MTOR: variants seen among roughly 807,000 people sequenced by gnomAD.
MTOR encodes mechanistic target of rapamycin kinase.
Under a neutral mutation model 319.8 loss-of-function variants are expected in MTOR, and 70 were observed. That is an observed-to-expected ratio of 0.22 (90% CI 0.18 to 0.27). MTOR has a LOEUF of 0.27. MTOR is among the 10% of genes least tolerant of loss of function. The probability of loss-of-function intolerance (pLI) is 1.00; values close to 1 mark genes in which losing one functional copy is unlikely to be tolerated. For missense variants in MTOR, 1,890 were observed against 3,274.4 expected (o/e 0.58, Z 10.32); for synonymous variants, 1,183 against 1,211.4 (o/e 0.98, Z 0.49).
intron 28 of MTOR, among the ~76,000 whole-genome samples, chr1:11,178,371 G>A (rs1411422789): frequency 2.0e-5 from 3 of 152,268 alleles, no homozygotes; most frequent in East Asian, 1.9e-4. Context: ...CAAAGCACAC[G>A]ACTTTTGCTG....
rs369201808 is a variant in MTOR, at chr1:11,128,009, T to C, written c.6028A>G (p.Met2010Val). 1.9e-6 allele frequency: 3 copies of C among 1,613,816 alleles called. No homozygotes were observed. In the African/African-American group the frequency reaches 4.0e-5, roughly 22 times the overall value. Residue 2010 changes from methionine (M) to valine (V), a missense_variant, in exon 43 of 58, where the codon ATG (methionine) becomes GTG (valine). Physicochemically the swap from Met to Val is conservative, Grantham distance 21. Around this residue, in one of 15 missense-constraint regions of MTOR, gnomAD observed 249 missense variants for 596.2 expected, o/e 0.42. Transcript: ENST00000361445. The surrounding 1 kb of genome is among the most constrained non-coding windows in gnomAD (Gnocchi z 5.3). The stretch of plus-strand genomic sequence containing the variant: ...CCACAGTGGCTCCGACCCACCATCA[T>C]GGCCTGCTGGACCAGGGTGTTGCTG... ...EHSNTLVQQA[M>V]MVSEELIRVA...
Position 11,109,546 on chromosome 1 carries a change from C to T in MTOR, c.7447+103G>A, listed in dbSNP as rs879202881. The T allele has an allele frequency of 4.6e-6, 6 of 1,292,168 alleles. No individual in the cohort carries two copies. The South Asian group carries it at 6.1e-5, about 13-fold the overall frequency. The allele number at this position is 1,292,168 out of a possible 1,614,324, so 80.0% of individuals were successfully genotyped here. A position where few individuals can be genotyped will look rare whatever the true frequency, so the allele number is the denominator to read the frequency against. On this transcript the variant is annotated intron_variant, in intron 55 of 57. Transcript: ENST00000361445. The surrounding 1 kb of genome is among the most constrained non-coding windows in gnomAD (Gnocchi z 4.0). Reference sequence around the variant, plus strand: ...TCATGGAACCTTTTCTGCTCAAAGGCAGTTTTGTTGCTTCATCTTGTTGAC... The same window carrying T: ...TCATGGAACCTTTTCTGCTCAAAGGTAGTTTTGTTGCTTCATCTTGTTGAC...
intron 49 of MTOR, among the ~76,000 whole-genome samples, chr1:11,120,315 G>T (rs902161820): frequency 4.6e-5 from 7 of 152,108 alleles, no homozygotes; most frequent in Admixed American, 4.6e-4. Flanking sequence ...AAGGTGGGTG[G>T]ATCACTTGAG....
intron 37 of MTOR, 94 bp downstream of exon 37, chr1:11,134,257 G>A: frequency 1.9e-6 from 2 of 1,057,752 alleles, no homozygotes. Flanking sequence ...TCAGCAATCA[G>A]CCACCCAAGA....
intron 9 of MTOR, 62 bp from the exon 10 acceptor site, chr1:11,241,743 A>G: frequency 6.4e-7 from 1 of 1,568,050 alleles, no homozygotes; most frequent in Non-Finnish European, 8.7e-7. Flanking sequence ...TCCCACCTCA[A>G]AATCACCTTG....
intron 11 of MTOR, among the ~76,000 whole-genome samples, chr1:11,239,670 C>A (rs1222868221): frequency 6.6e-6 from 1 of 152,002 alleles, no homozygotes; most frequent in Non-Finnish European, 1.5e-5. Flanking sequence ...TTTGGGAGGT[C>A]GAGGCAGGCA....
chr1:11,207,423 TTTTTG>T (rs1162983148), intron 25 of MTOR, among the ~76,000 whole-genome samples: 2 of 145,538 alleles, frequency 1.4e-5, no homozygotes, highest in Admixed American at 1.4e-4. Flanking sequence ...TTTTTTTTTT[TTTTTG>T]AAGAGAATCT....
chr1:11,199,754 C>CCG lies in MTOR; in HGVS notation c.3945-52_3945-51insCG, dbSNP rs763945924. ...GAGAGACCTCCCGTGCCTCTGCCTG[C>CCG]TGCCTCAAAGTCACACCTATCAATT... is the stretch of plus-strand genomic sequence containing the variant. On this transcript the variant is annotated intron_variant, in intron 26 of 57. Coordinates refer to ENST00000361445, the MANE Select transcript of MTOR (RefSeq NM_004958.4). This position sits in a 1 kb window ranked among gnomAD's most constrained non-coding sequence, Gnocchi z 4.5. 3.1e-6 allele frequency: 5 copies of CCG among 1,597,772 alleles called. No individual in the cohort carries two copies. In the South Asian group the frequency reaches 5.6e-5, roughly 18 times the overall value.
In MTOR at chr1:11,134,567, A is replaced by G; in HGVS notation, c.5131-101T>C. On this transcript the variant is annotated intron_variant, in intron 36 of 57. Transcript: ENST00000361445. The stretch of plus-strand genomic sequence containing the variant: ...GATAGGCATGAGTCAACCCCTCTCC[A>G]AACAGAATACCCTAGAGCACAGAAT... The G allele has an allele frequency of 3.3e-6, 3 of 907,876 alleles. No individual in the cohort carries two copies. The South Asian group carries it at 4.3e-5, about 13-fold the overall frequency. 56.2% of individuals were successfully genotyped at this position (907,876 alleles called of 1,614,324 possible). A position where few individuals can be genotyped will look rare whatever the true frequency, so the allele number is the denominator to read the frequency against.
At chr1:11,239,774 A>C (rs1647746419) in intron 11 of MTOR, among the ~76,000 whole-genome samples, 1 of 151,986 alleles carries the variant, frequency 6.6e-6, no homozygotes, top group South Asian at 2.1e-4. Context: ...GTGTGGTGAC[A>C]CGCGCCTATA....
At chr1:11,210,613 A>G (rs933796889) in intron 24 of MTOR, among the ~76,000 whole-genome samples, 11 of 152,318 alleles carry the variant, frequency 7.2e-5, no homozygotes, top group African/African-American at 2.4e-4. Flanking sequence ...TCATTTACAC[A>G]TTGTGTATGG....
rs1338609834 is a variant in MTOR, at chr1:11,257,431, C to T, written c.272-266G>A. Among the ~76,000 whole-genome samples the T allele has an allele frequency of 9.4e-5, 14 of 149,612 alleles. No homozygotes were observed. The East Asian group carries it at 2.0e-3, about 21-fold the overall frequency. ...CAAAAAAATTAGCCAGGCGTGGTGG[C>T]ACACGCCTGTAATCCCAGCTACTTG... On this transcript the variant is annotated intron_variant, in intron 3 of 57. Coordinates refer to ENST00000361445, the MANE Select transcript of MTOR (RefSeq NM_004958.4).
chr1:11,113,013 G>T (rs952598130), intron 53 of MTOR, 96 bp from the exon 54 acceptor site: 3 of 1,315,624 alleles, frequency 2.3e-6, no homozygotes, highest in South Asian at 1.2e-5. Context: ...ATAATTGTTC[G>T]TAAAGCTATA....
At chr1:11,191,602 C>T (rs1481656256) in intron 28 of MTOR, among the ~76,000 whole-genome samples, 1 of 152,196 alleles carries the variant, frequency 6.6e-6, no homozygotes, top group African/African-American at 2.4e-5. Flanking sequence ...AGCTTAAATC[C>T]TGCATAAAGT....
intron 28 of MTOR, among the ~76,000 whole-genome samples, chr1:11,172,082 T>C (rs2100631372): frequency 6.7e-6 from 1 of 148,998 alleles, no homozygotes; most frequent in East Asian, 2.0e-4. Flanking sequence ...ATCTGTATAA[T>C]ATTTCCCATC....
chr1:11,259,463 G>C lies in MTOR; in HGVS notation c.-14-40C>G, dbSNP rs141467061. 3.3e-4 allele frequency: 490 copies of C among 1,498,442 alleles called. 3 individuals are homozygous for C. The African/African-American group carries it at 6.3e-3, about 19-fold the overall frequency. 92.8% of individuals were successfully genotyped at this position (1,498,442 alleles called of 1,614,324 possible). A position where few individuals can be genotyped will look rare whatever the true frequency, so the allele number is the denominator to read the frequency against. On this transcript the variant is annotated intron_variant, in intron 1 of 57. Transcript: ENST00000361445. ...TTCCTTTAATATTCTGGATAAGAAA[G>C]TATGATGATAAATTTACTTATGGCC...
At chr1:11,230,637 T>C (rs911533932) in intron 18 of MTOR, among the ~76,000 whole-genome samples, 5 of 151,954 alleles carry the variant, frequency 3.3e-5, no homozygotes, top group Admixed American at 1.3e-4. Flanking sequence ...TAGATAGAGG[T>C]GATGGGGTGA....
Position 11,128,496 on chromosome 1 carries a change from G to C in MTOR, c.5868C>G (p.Leu1956=), listed in dbSNP as rs1642960146. ...CAATGTCTGTGAGAAGCTGGTGAAT[G>C]AGACGTCCCACCAAGGGTCTGGGCG... is the stretch of plus-strand genomic sequence containing the variant. ...IDTPRPLVGR[L]IHQLLTDIGR... Residue 1956 remains leucine (L), a synonymous_variant, in exon 42 of 58, where the codon CTC becomes CTG. Coordinates refer to ENST00000361445, the MANE Select transcript of MTOR (RefSeq NM_004958.4). This position sits in a 1 kb window ranked among gnomAD's most constrained non-coding sequence, Gnocchi z 5.3. 1 of 1,614,104 alleles carries C rather than the reference G, an allele frequency of 6.2e-7. No homozygotes were observed. Among genetic ancestry groups the C allele is most frequent in the Non-Finnish European group, 8.5e-7 (1 of 1,180,060 alleles).
intron 13 of MTOR, 58 bp downstream of exon 13, chr1:11,237,785 T>G (rs1223993734): frequency 6.3e-7 from 1 of 1,589,252 alleles, no homozygotes; most frequent in East Asian, 2.2e-5. Context: ...CCTCAAGCAG[T>G]TCTCACAGCG....
Sources: gnomAD v4.1 joint callset for allele counts (sites outside exome capture counted in the v4.1 genomes callset) on GRCh38, gnomAD v4.1.1 for gene constraint, gnomAD v4.1.1 regional missense constraint, Gnocchi (gnomAD v3.1) non-coding constraint, MANE v1.5 for transcripts, NCBI Gene and HGNC (gene_info 2026-07-23, HGNC 2026-07-21) for gene names.